LRRTM4: variants seen among roughly 807,000 people sequenced by gnomAD.
LRRTM4 encodes the protein leucine-rich repeat transmembrane neuronal protein 4.
Under a neutral mutation model 47.6 loss-of-function variants are expected in LRRTM4, and 25 were observed. That is an observed-to-expected ratio of 0.53 (90% CI 0.38 to 0.73). LRRTM4 has a LOEUF of 0.73. Among genes scored for constraint, LRRTM4 ranks in the 30% least tolerant of loss-of-function variants. The pLI is 0.00. For synonymous variants in LRRTM4, 311 were observed against 269.5 expected (o/e 1.15, Z -1.51); for missense variants, 638 against 713.4 (o/e 0.89, Z 1.20).
In LRRTM4 at chr2:77,209,603, T is replaced by C. The variant is rs144216615; in HGVS notation, c.1551+308715A>G. 3.2e-3 allele frequency among the ~76,000 whole-genome samples: 487 copies of C among 152,304 alleles called. 3 individuals are homozygous for C. The highest frequency in any genetic ancestry group is 0.011 in the African/African-American group (467 of 41,570). Reference sequence around the variant, plus strand: ...AATAAAAATTCATTTGTTGGAACACTCACACATGTTGTCAACCTGCCCATA... The same window carrying C: ...AATAAAAATTCATTTGTTGGAACACCCACACATGTTGTCAACCTGCCCATA... On this transcript the variant is annotated intron_variant, in intron 3 of 3. Transcript: ENST00000409884.
At chr2:77,123,648 T>C (rs1402889814) in intron 3 of LRRTM4, among the ~76,000 whole-genome samples, 1 of 152,128 alleles carries the variant, frequency 6.6e-6, no homozygotes, top group African/African-American at 2.4e-5. Context: ...GTTTTTTCTC[T>C]TTTAAAAATT....
intron 3 of LRRTM4, among the ~76,000 whole-genome samples, chr2:76,995,486 C>A (rs888275733): frequency 6.6e-6 from 1 of 151,844 alleles, no homozygotes; most frequent in Non-Finnish European, 1.5e-5. Flanking sequence ...ATAAATGAAG[C>A]CTGAATGATA....
At chr2:76,839,854 T>C (rs1484912383) in intron 3 of LRRTM4, among the ~76,000 whole-genome samples, 1 of 152,158 alleles carries the variant, frequency 6.6e-6, no homozygotes. Context: ...TATTTGTTCC[T>C]TGGGTATGAG....
intron 3 of LRRTM4, among the ~76,000 whole-genome samples, chr2:77,446,604 C>G (rs1054967843): frequency 6.6e-6 from 1 of 151,942 alleles, no homozygotes; most frequent in Non-Finnish European, 1.5e-5. Context: ...AAACTCATAC[C>G]TTTTTTGCTT....
rs948194051 is a variant in LRRTM4 at position 77,116,354 on chromosome 2, A to C, written c.1552-367438T>G. Among the ~76,000 whole-genome samples the C allele has an allele frequency of 1.3e-5, 2 of 152,146 alleles. 1 individual carries two copies. Among genetic ancestry groups the C allele is most frequent in the South Asian group, 4.1e-4 (2 of 4,834 alleles). On this transcript the variant is annotated intron_variant, in intron 3 of 3. Coordinates refer to ENST00000409884, the MANE Select transcript of LRRTM4 (RefSeq NM_001134745.3). Reference sequence around the variant, plus strand: ...TTATCCTCTAATATCTTTAACAGAAATATAAGAACTCACTCAAATTGAACA... The same window carrying C: ...TTATCCTCTAATATCTTTAACAGAACTATAAGAACTCACTCAAATTGAACA...
chr2:76,796,262 G>A (rs532109955), intron 3 of LRRTM4, among the ~76,000 whole-genome samples: 1 of 74,708 alleles, frequency 1.3e-5, no homozygotes, highest in East Asian at 9.1e-4. Flanking sequence ...CATTGAACAG[G>A]CTTGATTAGG....
chr2:77,254,775 T>C (rs1675715575), intron 3 of LRRTM4, among the ~76,000 whole-genome samples: 1 of 151,606 alleles, frequency 6.6e-6, no homozygotes, highest in Non-Finnish European at 1.5e-5. Context: ...TTAAAAATTC[T>C]ATACAAGGAG....
chr2:77,469,945 T>C (rs1428265771), intron 3 of LRRTM4, among the ~76,000 whole-genome samples: 1 of 152,142 alleles, frequency 6.6e-6, no homozygotes, highest in Non-Finnish European at 1.5e-5. Flanking sequence ...AAACAAAGAC[T>C]TTTTATTTAT....
intron 3 of LRRTM4, among the ~76,000 whole-genome samples, chr2:77,409,341 G>C (rs368536211): frequency 6.6e-6 from 1 of 152,158 alleles, no homozygotes; most frequent in African/African-American, 2.4e-5. Flanking sequence ...CCAACACCAA[G>C]TCAGCAGCAT....
chr2:76,882,377 T>C (rs188412947), intron 3 of LRRTM4, among the ~76,000 whole-genome samples: 6 of 152,106 alleles, frequency 3.9e-5, no homozygotes, highest in Admixed American at 2.6e-4. Flanking sequence ...CTTGCTCTTA[T>C]GTTCCTACTT....
intron 3 of LRRTM4, among the ~76,000 whole-genome samples, chr2:77,437,469 T>C (rs1195554517): frequency 1.3e-5 from 2 of 152,054 alleles, no homozygotes; most frequent in African/African-American, 4.8e-5. Flanking sequence ...ATGAAATATA[T>C]TAAAAATAAC....
At chr2:77,496,215 C>G (rs1378404205) in intron 3 of LRRTM4, among the ~76,000 whole-genome samples, 4 of 151,886 alleles carry the variant, frequency 2.6e-5, no homozygotes, top group Middle Eastern at 3.2e-3. Flanking sequence ...TTGCTAAACT[C>G]ACATATTTTA....
At chr2:77,376,551 G>GA (rs1225491832) in intron 3 of LRRTM4, among the ~76,000 whole-genome samples, 1 of 150,698 alleles carries the variant, frequency 6.6e-6, no homozygotes, top group African/African-American at 2.4e-5. Context: ...ACAGTTTTGA[G>GA]AAAAAAATGG....
At chr2:77,121,787 G>A (rs1427254293) in intron 3 of LRRTM4, among the ~76,000 whole-genome samples, 1 of 151,770 alleles carries the variant, frequency 6.6e-6, no homozygotes, top group Non-Finnish European at 1.5e-5. Context: ...CAAGTGAGAT[G>A]ATATTTAAGG....
intron 3 of LRRTM4, among the ~76,000 whole-genome samples, chr2:76,904,436 T>C (rs1403134386): frequency 2.0e-5 from 3 of 152,226 alleles, no homozygotes; most frequent in African/African-American, 4.8e-5. Flanking sequence ...ATACTGACTT[T>C]ACGCTTTACA....
intron 3 of LRRTM4, among the ~76,000 whole-genome samples, chr2:77,203,043 T>G (rs950836525): frequency 6.6e-6 from 1 of 151,988 alleles, no homozygotes; most frequent in African/African-American, 2.4e-5. Flanking sequence ...GTGAATTTGA[T>G]AATTTTGCAA....
intron 3 of LRRTM4, among the ~76,000 whole-genome samples, chr2:77,509,729 C>T (rs1430349373): frequency 7.2e-5 from 11 of 151,996 alleles, no homozygotes; most frequent in Admixed American, 7.2e-4. Flanking sequence ...CTGAATAGTA[C>T]CTCATTAATC....
chr2:77,237,772 A>G (rs1239355987), intron 3 of LRRTM4, among the ~76,000 whole-genome samples: 4 of 152,194 alleles, frequency 2.6e-5, no homozygotes, highest in African/African-American at 4.8e-5. Flanking sequence ...AGCTCTAACT[A>G]GATCATTCCT....
At chr2:76,964,905 CAACA>C (rs1373870560) in intron 3 of LRRTM4, among the ~76,000 whole-genome samples, 1 of 150,228 alleles carries the variant, frequency 6.7e-6, no homozygotes, top group Non-Finnish European at 1.5e-5. Flanking sequence ...CAAAAGAGTA[CAACA>C]AACAACTCTA....
Sources: allele counts gnomAD v4.1 joint callset (sites outside exome capture counted in the v4.1 genomes callset), GRCh38; gene constraint gnomAD v4.1.1; transcripts MANE v1.5; gene names NCBI Gene and HGNC (gene_info 2026-07-23, HGNC 2026-07-21).